The following OXSR1 variants were observed in gnomAD, a reference collection of about 807,000 sequenced individuals.
OXSR1 encodes the protein serine/threonine-protein kinase OSR1.
OXSR1 carries 24 observed loss-of-function variants against 79.8 expected under a neutral mutation model. The ratio of observed to expected loss-of-function variants is 0.30; its 90% CI spans 0.22 to 0.42. OXSR1 has a LOEUF of 0.42. Among genes scored for constraint, OXSR1 ranks in the 10% least tolerant of loss-of-function variants. The pLI, the probability that OXSR1 is intolerant of heterozygous loss-of-function variation, is 1.00. For synonymous variants in OXSR1, 226 were observed against 209.2 expected (o/e 1.08, Z -0.69); for missense variants, 430 against 618.4 (o/e 0.70, Z 3.23).
In OXSR1 at chr3:38,186,334, T is replaced by C. The variant is rs549649772; in HGVS notation, c.183+3219T>C. Among the ~76,000 whole-genome samples, 64 of 152,314 alleles carry C rather than the reference T, an allele frequency of 4.2e-4. 1 individual carries two copies. The highest frequency in any genetic ancestry group is 1.5e-3 in the African/African-American group (62 of 41,568). On this transcript the variant is annotated intron_variant, in intron 2 of 17. Coordinates refer to ENST00000311806, the MANE Select transcript of OXSR1 (RefSeq NM_005109.3). ...TTAAAACATAACAGCTTTATTGATA[T>C]AAAATTCATGTATCATAAATCTACC...
intron 4 of OXSR1, among the ~76,000 whole-genome samples, chr3:38,204,155 A>G (rs1278641962): frequency 6.6e-6 from 1 of 151,224 alleles, no homozygotes; most frequent in Non-Finnish European, 1.5e-5. Context: ...GGCTACCCCC[A>G]GTGTTCAGCT....
chr3:38,175,596 C>T (rs1390373746), intron 1 of OXSR1, among the ~76,000 whole-genome samples: 3 of 152,206 alleles, frequency 2.0e-5, no homozygotes, highest in East Asian at 3.8e-4. Context: ...CCACAATGCC[C>T]GGCCCTACGT....
At chr3:38,244,106 AC>A (rs1390626321) in intron 12 of OXSR1, among the ~76,000 whole-genome samples, 2 of 152,112 alleles carry the variant, frequency 1.3e-5, no homozygotes, top group African/African-American at 4.8e-5. Flanking sequence ...TTCTAATTTA[AC>A]CTATGTTGAC....
intron 1 of OXSR1, among the ~76,000 whole-genome samples, chr3:38,182,393 C>A (rs1056566519): frequency 2.0e-5 from 3 of 152,194 alleles, no homozygotes; most frequent in African/African-American, 7.2e-5. Context: ...TCACCACTGT[C>A]CTGGATGGGG....
rs767375077 is a variant in OXSR1 at position 38,198,846 on chromosome 3, A to G, written c.417A>G (p.Lys139=). Residue 139 remains lysine, a synonymous_variant, in exon 4 of 18, where the codon AAA becomes AAG. Transcript: ENST00000311806. ...TGGAAGGGCTGGAATATCTGCATAAAAATGGACAGATCCACAGGTATGTAA... is the reference window on the plus strand; with the variant it reads ...TGGAAGGGCTGGAATATCTGCATAAGAATGGACAGATCCACAGGTATGTAA... ...EVLEGLEYLH[K]NGQIHRDVKA... 2 of 1,613,628 alleles carry G rather than the reference A, an allele frequency of 1.2e-6. No homozygotes were observed. The highest frequency in any genetic ancestry group is 1.7e-6 in the Non-Finnish European group (2 of 1,179,670).
At chr3:38,230,135 T>TCATAG (rs1044468417) in intron 9 of OXSR1, among the ~76,000 whole-genome samples, 1 of 152,170 alleles carries the variant, frequency 6.6e-6, no homozygotes, top group African/African-American at 2.4e-5. Context: ...AGCAAACTCT[T>TCATAG]CATAGACAGT....
chr3:38,241,803 G>GTT (rs895117312), intron 11 of OXSR1, among the ~76,000 whole-genome samples: 1 of 131,826 alleles, frequency 7.6e-6, no homozygotes, highest in African/African-American at 2.8e-5. Flanking sequence ...AAAGTTGTTT[G>GTT]TTTTTTTTTT....
chr3:38,249,570 A>T (rs1703213666), intron 14 of OXSR1, among the ~76,000 whole-genome samples: 1 of 152,118 alleles, frequency 6.6e-6, no homozygotes, highest in African/African-American at 2.4e-5. Flanking sequence ...GTAGGCAATG[A>T]ATTGTGGGCA....
At chr3:38,199,092 C>T (rs1702116564) in intron 4 of OXSR1, among the ~76,000 whole-genome samples, 1 of 152,148 alleles carries the variant, frequency 6.6e-6, no homozygotes, top group African/African-American at 2.4e-5. Flanking sequence ...GAGGCAACTA[C>T]TTGATAACAT....
intron 1 of OXSR1, among the ~76,000 whole-genome samples, chr3:38,176,728 T>C (rs1330980442): frequency 6.6e-6 from 1 of 152,248 alleles, no homozygotes; most frequent in Non-Finnish European, 1.5e-5. Flanking sequence ...GAAGATTTGT[T>C]CATTAAGTGA....
Position 38,254,611 on chromosome 3 carries a change from G to T in OXSR1, c.*1720G>T, listed in dbSNP as rs573816910. Reference sequence around the variant, plus strand: ...GCTTTTCTTTTTCTTTTTTTGTGGAGGGGGGACGGAGAGGAACAAGGATGG... The same window carrying T: ...GCTTTTCTTTTTCTTTTTTTGTGGATGGGGGACGGAGAGGAACAAGGATGG... On this transcript the variant is annotated 3_prime_UTR_variant, in exon 18 of 18. Transcript: ENST00000311806. The T allele has an allele frequency of 1.2e-3, 240 of 193,790 alleles. No homozygotes were observed. The highest frequency in any genetic ancestry group is 2.1e-3 in the Non-Finnish European group (204 of 95,448). 12.0% of individuals were successfully genotyped at this position (193,790 alleles called of 1,614,324 possible).
intron 3 of OXSR1, among the ~76,000 whole-genome samples, chr3:38,196,024 C>T (rs769033748): frequency 4.6e-5 from 7 of 152,124 alleles, no homozygotes; most frequent in Non-Finnish European, 7.4e-5. Context: ...GCTTCTTGGG[C>T]CCTACCTCAG....
chr3:38,181,091 A>T (rs1217260249), intron 1 of OXSR1, among the ~76,000 whole-genome samples: 1 of 150,888 alleles, frequency 6.6e-6, no homozygotes, highest in Non-Finnish European at 1.5e-5. Context: ...TTTTATCATT[A>T]TCCCACCATT....
At position 38,221,628 on chromosome 3, in the gene OXSR1, A is replaced by G. The variant is rs2936810; in HGVS notation, c.541A>G (p.Lys181Glu). The part of the protein sequence containing the change: ...LATGGDITRN[K>E]VRKTFVGTPC... ...AACTGGTGGTGATATTACCCGAAAT[A>G]AAGTGAGAAAGACCTTTGTTGGCAC... The change falls in exon 6 of 18, where the codon AAA (lysine) becomes GAA (glutamate). Residue 181 changes from lysine to glutamate, a missense_variant. Lys to Glu is a moderately conservative substitution (Grantham distance 56). Transcript: ENST00000311806. 1 of 1,613,366 alleles carries G rather than the reference A, an allele frequency of 6.2e-7. No individual in the cohort carries two copies. Among genetic ancestry groups the G allele is most frequent in the Non-Finnish European group, 8.5e-7 (1 of 1,179,502 alleles).
At chr3:38,242,841 C>T (rs1179594418) in intron 12 of OXSR1, 63 bp downstream of exon 12, 40 of 1,023,238 alleles carry the variant, frequency 3.9e-5, no homozygotes, top group South Asian at 2.5e-4. Context: ...GGTTTCAATT[C>T]GAAGTGCTTT....
intron 4 of OXSR1, among the ~76,000 whole-genome samples, chr3:38,211,577 T>G (rs1045122467): frequency 2.0e-5 from 3 of 152,228 alleles, no homozygotes; most frequent in African/African-American, 7.2e-5. Flanking sequence ...GTCTAACCTT[T>G]GGTAAGCATA....
rs991262562 is a variant in OXSR1 at position 38,242,764 on chromosome 3, A to G, written c.1096A>G (p.Ile366Val). 1.5e-5 allele frequency: 23 copies of G among 1,561,186 alleles called. No individual in the cohort carries two copies. Among genetic ancestry groups the G allele is most frequent in the African/African-American group, 2.7e-5 (2 of 73,086 alleles). ...QLRSPRVKES[I>V]SNSELFPTTD... ...TTAGTCTCCCCGAGTGAAAGAATCA[A>G]TATCAAATTCTGAGGTAAGTAATTG... is the stretch of plus-strand genomic sequence containing the variant. The change falls in exon 12 of 18, where the codon ATA (isoleucine) becomes GTA (valine). Residue 366 changes from isoleucine (I) to valine (V), a missense_variant. Physicochemically the swap from Ile to Val is conservative, Grantham distance 29. Transcript: ENST00000311806.
intron 1 of OXSR1, among the ~76,000 whole-genome samples, chr3:38,178,728 A>G (rs1028399806): frequency 1.3e-5 from 2 of 148,886 alleles, no homozygotes; most frequent in Admixed American, 1.4e-4. Flanking sequence ...TCTGCCTGCC[A>G]TGACCTCCTG....
At chr3:38,198,888 G>A in intron 4 of OXSR1, 25 bp downstream of exon 4, 4 of 1,598,960 alleles carry the variant, frequency 2.5e-6, no homozygotes, top group South Asian at 1.1e-5. Flanking sequence ...ATACTCTTGT[G>A]TTACATCATC....
Sources: gnomAD v4.1 joint callset for allele counts (sites outside exome capture counted in the v4.1 genomes callset) on GRCh38, gnomAD v4.1.1 for gene constraint, MANE v1.5 for transcripts, NCBI Gene and HGNC (gene_info 2026-07-23, HGNC 2026-07-21) for gene names.